The following ZNF23 variants were observed in gnomAD, a reference collection of about 807,000 sequenced individuals.
The protein encoded by ZNF23 is zinc finger protein 23, also known as kruppel-like zinc finger factor X31.
In ZNF23, 48 loss-of-function variants were observed where a neutral mutation model predicts 56.2. That is an observed-to-expected ratio of 0.85 (90% CI 0.68 to 1.09). The LOEUF is 1.09. ZNF23 is among the 50% of genes least tolerant of loss of function. ZNF23 has a pLI of 0.00. For missense variants in ZNF23, 805 were observed against 811.4 expected, an observed-to-expected ratio of 0.99 and a Z score of 0.10; for synonymous variants, 266 against 283.3, an observed-to-expected ratio of 0.94 and a Z score of 0.61.
intron 1 of ZNF23, among the ~76,000 whole-genome samples, chr16:71,460,455 A>T (rs921025343): frequency 2.0e-5 from 3 of 152,252 alleles, no homozygotes; most frequent in Admixed American, 2.0e-4. Flanking sequence ...CACTGAGCTC[A>T]GATGTGTCAT....
chr16:71,456,643 C>T (rs2145116369), intron 2 of ZNF23, 121 bp downstream of exon 2: 1 of 966,220 alleles, frequency 1.0e-6, no homozygotes, highest in Non-Finnish European at 1.2e-6. Flanking sequence ...ACACCTCTTT[C>T]CCACAAGTTC....
At chr16:71,459,193 G>T (rs1795789078) in intron 1 of ZNF23, among the ~76,000 whole-genome samples, 1 of 152,220 alleles carries the variant, frequency 6.6e-6, no homozygotes. Flanking sequence ...TCCTATGTGG[G>T]ACACCTGTGG....
intron 1 of ZNF23, 70 bp downstream of exon 1, chr16:71,462,140 G>A (rs895514263): frequency 6.6e-6 from 1 of 152,358 alleles, no homozygotes; most frequent in African/African-American, 2.4e-5. Context: ...CAGGGTGGGA[G>A]TGCGTCTCAA....
At chr16:71,455,844 A>T (rs576484599) in intron 2 of ZNF23, among the ~76,000 whole-genome samples, 1 of 152,200 alleles carries the variant, frequency 6.6e-6, no homozygotes, top group Non-Finnish European at 1.5e-5. Context: ...CTGGTTCCAC[A>T]GCTGTCTTAT....
At chr16:71,461,043 T>C (rs1254761852) in intron 1 of ZNF23, among the ~76,000 whole-genome samples, 3 of 152,110 alleles carry the variant, frequency 2.0e-5, no homozygotes, top group East Asian at 1.9e-4. Context: ...GTGCCATTTA[T>C]ATGAAGCTCA....
rs777460698 is a variant in ZNF23 at position 71,449,569 on chromosome 16, A to G, written c.585T>C (p.Asp195=). 7 of 1,614,122 alleles carry G rather than the reference A, an allele frequency of 4.3e-6. No individual in the cohort carries two copies. The highest frequency in any genetic ancestry group is 5.9e-6 in the Non-Finnish European group (7 of 1,180,038). The change falls in exon 5 of 5, where the codon GAT becomes GAC. Residue 195 remains aspartate, a synonymous_variant. Coordinates refer to ENST00000647773, the MANE Select transcript of ZNF23 (RefSeq NM_001381984.1). The part of the protein sequence containing the change: ...CTGLGKSISF[D]TKLVKHEIIN... ...TTATTTCATGCTTCACGAGTTTTGT[A>G]TCAAAGCTGATGGATTTCCCCAATC...
chr16:71,454,814 C>T (rs527679083), intron 2 of ZNF23, among the ~76,000 whole-genome samples: 18 of 152,324 alleles, frequency 1.2e-4, no homozygotes, highest in African/African-American at 4.3e-4. Context: ...ACTGTTTCTC[C>T]AAGAACATTT....
chr16:71,453,984 A>G, intron 3 of ZNF23, 58 bp downstream of exon 3: 3 of 1,592,854 alleles, frequency 1.9e-6, no homozygotes, highest in Non-Finnish European at 1.7e-6. Flanking sequence ...TGTAAGGGAG[A>G]AGCAAGCCAG....
chr16:71,460,841 A>C (rs781255221), intron 1 of ZNF23, among the ~76,000 whole-genome samples: 17 of 152,018 alleles, frequency 1.1e-4, no homozygotes, highest in Non-Finnish European at 1.8e-4. Context: ...ATATGTAGGA[A>C]GTACGTACAA....
Position 71,449,937 on chromosome 16 carries a change from A to G in ZNF23, c.269-52T>C. 6.3e-6 allele frequency: 9 copies of G among 1,430,492 alleles called. No homozygotes were observed. In the South Asian group the frequency reaches 1.1e-4, roughly 18 times the overall value. 88.6% of individuals were successfully genotyped at this position (1,430,492 alleles called of 1,614,324 possible). ...TCATGTAAGAACCATGTTAGGAAAA[A>G]GAAGAGAACTGTGCTATAAAAGACC... On this transcript the variant is annotated intron_variant, in intron 4 of 4. Transcript: ENST00000647773.
chr16:71,458,959 G>C (rs565434855), intron 1 of ZNF23, among the ~76,000 whole-genome samples: 156 of 152,314 alleles, frequency 1.0e-3, no homozygotes, highest in African/African-American at 3.5e-3. Flanking sequence ...TTTTCTAGTT[G>C]AGCAACACTA....
At chr16:71,459,674 C>A (rs915857948) in intron 1 of ZNF23, among the ~76,000 whole-genome samples, 2 of 152,110 alleles carry the variant, frequency 1.3e-5, no homozygotes, top group Non-Finnish European at 2.9e-5. Context: ...GTTTTAATTA[C>A]TGTTTTATAG....
At chr16:71,459,040 G>T (rs1342690810) in intron 1 of ZNF23, among the ~76,000 whole-genome samples, 1 of 152,236 alleles carries the variant, frequency 6.6e-6, no homozygotes, top group Non-Finnish European at 1.5e-5. Flanking sequence ...AAGGGGCAGT[G>T]TAAGCACCAC....
intron 1 of ZNF23, among the ~76,000 whole-genome samples, chr16:71,457,216 G>T (rs2043266238): frequency 6.6e-6 from 1 of 152,088 alleles, no homozygotes; most frequent in East Asian, 1.9e-4. Flanking sequence ...GATCACTTGA[G>T]CTCAGGAGTT....
chr16:71,453,222 G>A (rs2043112450), intron 4 of ZNF23, 21 bp downstream of exon 4: 1 of 1,571,842 alleles, frequency 6.4e-7, no homozygotes. Context: ...CAACAGAGTG[G>A]GAAATATGTA....
At chr16:71,453,594 A>C in intron 3 of ZNF23, 1 of 503,196 alleles carries the variant, frequency 2.0e-6, no homozygotes, top group Admixed American at 3.3e-5. Context: ...CGTGTGGGAG[A>C]GCCTGGTTAG....
intron 1 of ZNF23, 121 bp from the exon 2 acceptor site, chr16:71,456,949 GC>G (rs745693606): frequency 1.0e-5 from 2 of 194,024 alleles, no homozygotes; most frequent in Non-Finnish European, 9.4e-6. Context: ...GCGAACAGGA[GC>G]TGCCCAAGAA....
intron 1 of ZNF23, among the ~76,000 whole-genome samples, chr16:71,458,705 C>T (rs1465725325): frequency 1.3e-5 from 2 of 152,210 alleles, no homozygotes; most frequent in African/African-American, 4.8e-5. Context: ...CCGCCTCCCC[C>T]ATGTGAGGAC....
Position 71,448,080 on chromosome 16 carries a change from A to G in ZNF23, c.*13T>C, listed in dbSNP as rs375874438. The G allele has an allele frequency of 6.4e-7, 1 of 1,561,606 alleles. No homozygotes were observed. The highest frequency in any genetic ancestry group is 1.4e-5 in the African/African-American group (1 of 72,828). Reference sequence around the variant, plus strand: ...GGCATTAACCTTAAGAGTTTTCTATATCTTTCTCATTATTAGGATTTTCCT... The same window carrying G: ...GGCATTAACCTTAAGAGTTTTCTATGTCTTTCTCATTATTAGGATTTTCCT... On this transcript the variant is annotated 3_prime_UTR_variant, in exon 5 of 5. Coordinates refer to ENST00000647773, the MANE Select transcript of ZNF23 (RefSeq NM_001381984.1).
Sources: gnomAD v4.1 joint callset for allele counts (sites outside exome capture counted in the v4.1 genomes callset) on GRCh38, gnomAD v4.1.1 for gene constraint, MANE v1.5 for transcripts, NCBI Gene and HGNC (gene_info 2026-07-23, HGNC 2026-07-21) for gene names.